Variants in TFCP2 observed in about 807,000 individuals in gnomAD.
The protein encoded by TFCP2 is alpha-globin transcription factor CP2.
In TFCP2, 33 loss-of-function variants were observed where a neutral mutation model predicts 73.4. The observed-to-expected ratio is 0.45, with a 90% CI of 0.34 to 0.60. The LOEUF (loss-of-function observed/expected upper bound fraction) is 0.60. TFCP2 is among the 20% of genes least tolerant of loss of function. The pLI is 0.01. For synonymous variants in TFCP2, 193 were observed against 211.6 expected, an observed-to-expected ratio of 0.91 and a Z score of 0.76; for missense variants, 352 against 604.0, an observed-to-expected ratio of 0.58 and a Z score of 4.37.
chr12:51,113,420 C>T (rs942052186), intron 4 of TFCP2, among the ~76,000 whole-genome samples: 8 of 152,124 alleles, frequency 5.3e-5, no homozygotes, highest in East Asian at 3.8e-4. Context: ...TGTGTAGCAA[C>T]GTGGGAAGAC....
intron 1 of TFCP2, among the ~76,000 whole-genome samples, chr12:51,134,253 C>T (rs73305715): frequency 1.3e-5 from 2 of 152,066 alleles, no homozygotes; most frequent in African/African-American, 4.8e-5. Context: ...AAAAGTTTCA[C>T]GAAACAATAC....
At chr12:51,133,136 T>TAAA (rs1194030037) in intron 1 of TFCP2, among the ~76,000 whole-genome samples, 2 of 147,106 alleles carry the variant, frequency 1.4e-5, no homozygotes, top group African/African-American at 5.0e-5. Flanking sequence ...ACAGTTCTAC[T>TAAA]AAAAAAAGAA....
chr12:51,118,416 G>A (rs1489677670), intron 2 of TFCP2, among the ~76,000 whole-genome samples: 2 of 152,118 alleles, frequency 1.3e-5, no homozygotes, highest in Non-Finnish European at 2.9e-5. Context: ...TTAGCCGGGT[G>A]TGGTGGCGGG....
intron 1 of TFCP2, among the ~76,000 whole-genome samples, chr12:51,169,029 T>C (rs1199041030): frequency 6.6e-6 from 1 of 151,216 alleles, no homozygotes; most frequent in African/African-American, 2.4e-5. Context: ...CTCAAACTCC[T>C]GACCTCAGGG....
At chr12:51,163,517 G>A (rs1941692985) in intron 1 of TFCP2, among the ~76,000 whole-genome samples, 1 of 152,088 alleles carries the variant, frequency 6.6e-6, no homozygotes, top group African/African-American at 2.4e-5. Context: ...TTGAACTTGG[G>A]AGGCAGAGGT....
chr12:51,169,654 T>C (rs537172934), intron 1 of TFCP2, among the ~76,000 whole-genome samples: 1 of 151,896 alleles, frequency 6.6e-6, no homozygotes, highest in East Asian at 1.9e-4. Context: ...GCCCGGGAGA[T>C]GGAAGTTCTA....
At chr12:51,095,937 T>A in intron 14 of TFCP2, 52 bp downstream of exon 14, 1 of 1,462,428 alleles carries the variant, frequency 6.8e-7, no homozygotes, top group South Asian at 1.2e-5. Context: ...CTTTGCCTAG[T>A]AGTAGTAAAG....
At chr12:51,105,880 T>C (rs1940223722) in intron 8 of TFCP2, among the ~76,000 whole-genome samples, 1 of 152,234 alleles carries the variant, frequency 6.6e-6, no homozygotes, top group South Asian at 2.1e-4. Flanking sequence ...AGTTTCAATA[T>C]GGCTATGTGA....
intron 1 of TFCP2, 76 bp downstream of exon 1, chr12:51,172,225 C>A: frequency 1.3e-6 from 2 of 1,578,962 alleles, no homozygotes; most frequent in Non-Finnish European, 1.7e-6. Context: ...CACCTCCTTC[C>A]CACTCAACCC....
chr12:51,153,473 G>A (rs1271548773), intron 1 of TFCP2, among the ~76,000 whole-genome samples: 1 of 151,356 alleles, frequency 6.6e-6, no homozygotes, highest in Admixed American at 6.6e-5. Flanking sequence ...AAGTATACAC[G>A]TCAGTGCTAT....
At chr12:51,107,433 G>T in intron 6 of TFCP2, 87 bp from the exon 7 acceptor site, 1 of 1,074,810 alleles carries the variant, frequency 9.3e-7, no homozygotes, top group Non-Finnish European at 1.4e-6. Context: ...ATTCATGTAT[G>T]AAACAAAATT....
chr12:51,155,167 T>A (rs1941511914), intron 1 of TFCP2, among the ~76,000 whole-genome samples: 1 of 152,208 alleles, frequency 6.6e-6, no homozygotes, highest in African/African-American at 2.4e-5. Context: ...ACCCCAGGAC[T>A]TACACCAGTA....
intron 1 of TFCP2, among the ~76,000 whole-genome samples, chr12:51,123,838 G>C (rs921071030): frequency 3.3e-5 from 5 of 152,156 alleles, no homozygotes; most frequent in African/African-American, 4.8e-5. Flanking sequence ...AAAAATTATA[G>C]GAGGCCACTA....
chr12:51,098,253 G>T (rs1275870447), intron 13 of TFCP2, among the ~76,000 whole-genome samples: 1 of 152,064 alleles, frequency 6.6e-6, no homozygotes, highest in African/African-American at 2.4e-5. Flanking sequence ...GCCCAGAAAT[G>T]ACATCTTTTA....
chr12:51,099,912 T>A, intron 11 of TFCP2, 133 bp from the exon 12 acceptor site: 4 of 1,109,126 alleles, frequency 3.6e-6, no homozygotes, highest in Non-Finnish European at 5.0e-6. Context: ...CAAATGCAAT[T>A]AATTTGCTAT....
chr12:51,098,406 A>G (rs1259054638), intron 13 of TFCP2, among the ~76,000 whole-genome samples: 4 of 152,174 alleles, frequency 2.6e-5, no homozygotes, highest in African/African-American at 4.8e-5. Context: ...CGGGTGGATC[A>G]CTTGAGGCCA....
chr12:51,096,274 G>A (rs2136955634), intron 13 of TFCP2, among the ~76,000 whole-genome samples: 1 of 152,314 alleles, frequency 6.6e-6, no homozygotes. Flanking sequence ...AGCCTGGTAT[G>A]CATTTCCCTG....
At chr12:51,106,660 C>T in intron 7 of TFCP2, 47 bp from the exon 8 acceptor site, 1 of 1,444,046 alleles carries the variant, frequency 6.9e-7, no homozygotes, top group Non-Finnish European at 9.7e-7. Context: ...CATATGACCC[C>T]AGGATTTGAC....
chr12:51,155,053 T>C (rs568880062), intron 1 of TFCP2, among the ~76,000 whole-genome samples: 5 of 152,238 alleles, frequency 3.3e-5, no homozygotes, highest in South Asian at 2.1e-4. Flanking sequence ...GGTGCCCAGA[T>C]AGAACAAAAA....
Sources: allele counts gnomAD v4.1 joint callset (sites outside exome capture counted in the v4.1 genomes callset), GRCh38; gene constraint gnomAD v4.1.1; transcripts MANE v1.5; gene names NCBI Gene and HGNC (gene_info 2026-07-23, HGNC 2026-07-21).